FRS2: variants seen among roughly 807,000 people sequenced by gnomAD.
FRS2 encodes fibroblast growth factor receptor substrate 2.
FRS2 carries 8 observed loss-of-function variants against 43.9 expected under a neutral mutation model. The observed-to-expected ratio is 0.18, with a 90% CI of 0.11 to 0.33. The LOEUF (loss-of-function observed/expected upper bound fraction) is 0.33, where lower values mean the gene tolerates loss of function less well. FRS2 is among the 10% of genes least tolerant of loss of function. The pLI is 1.00. For missense variants in FRS2, 534 were observed against 627.6 expected, an observed-to-expected ratio of 0.85 and a Z score of 1.59; for synonymous variants, 219 against 220.3, an observed-to-expected ratio of 0.99 and a Z score of 0.05.
intron 3 of FRS2, among the ~76,000 whole-genome samples, chr12:69,556,469 A>G (rs2135755507): frequency 6.6e-6 from 1 of 151,984 alleles, no homozygotes; most frequent in South Asian, 2.1e-4. Context: ...AGTAGCTGGG[A>G]CTACAGGCAT....
chr12:69,553,126 C>T (rs1197783467), intron 3 of FRS2, among the ~76,000 whole-genome samples: 1 of 152,118 alleles, frequency 6.6e-6, no homozygotes, highest in Non-Finnish European at 1.5e-5. Context: ...GGCTGGAGTG[C>T]AGTGGCACAA....
intron 1 of FRS2, chr12:69,486,324 T>G (rs1291049180): frequency 6.6e-6 from 1 of 152,200 alleles, no homozygotes; most frequent in Non-Finnish European, 1.5e-5. Flanking sequence ...TTCAAACTTT[T>G]TATCATTATT....
chr12:69,563,298 A>C (rs1327422788), intron 4 of FRS2, among the ~76,000 whole-genome samples: 1 of 152,144 alleles, frequency 6.6e-6, no homozygotes, highest in African/African-American at 2.4e-5. Context: ...AAAACTTCAC[A>C]TTAAAGAAGT....
At chr12:69,507,916 C>G (rs557863482) in intron 1 of FRS2, among the ~76,000 whole-genome samples, 1 of 149,852 alleles carries the variant, frequency 6.7e-6, no homozygotes, top group South Asian at 2.1e-4. Context: ...CCCAGCTACT[C>G]AGGAGGCTGA....
At chr12:69,549,188 G>T (rs1029616634) in intron 3 of FRS2, among the ~76,000 whole-genome samples, 4 of 152,138 alleles carry the variant, frequency 2.6e-5, no homozygotes, top group Non-Finnish European at 5.9e-5. Context: ...AAAATTTCGT[G>T]AAGTCTTTAG....
chr12:69,506,272 T>C (rs1873919706), intron 1 of FRS2, among the ~76,000 whole-genome samples: 1 of 152,162 alleles, frequency 6.6e-6, no homozygotes, highest in Non-Finnish European at 1.5e-5. Context: ...TTTTTGTTTT[T>C]TGTTTTTTGT....
intron 3 of FRS2, among the ~76,000 whole-genome samples, chr12:69,549,076 G>T (rs888712848): frequency 3.9e-5 from 6 of 152,114 alleles, no homozygotes; most frequent in Non-Finnish European, 7.4e-5. Flanking sequence ...TAAAAATAGA[G>T]AAATGAAGAA....
intron 1 of FRS2, among the ~76,000 whole-genome samples, chr12:69,501,024 GT>G (rs1222948042): frequency 6.6e-6 from 1 of 151,982 alleles, no homozygotes; most frequent in Non-Finnish European, 1.5e-5. Flanking sequence ...GTACTTTGTT[GT>G]TTTCTACATT....
chr12:69,544,124 T>G, intron 3 of FRS2, among the ~76,000 whole-genome samples: 1 of 149,202 alleles, frequency 6.7e-6, no homozygotes, highest in African/African-American at 2.5e-5. Context: ...TTTTTAAGAG[T>G]ACTGGAACTT....
chr12:69,573,972 AAGTT>A (rs758753654), intron 8 of FRS2, 29 bp from the exon 9 acceptor site: 102 of 1,427,648 alleles, frequency 7.1e-5, no homozygotes, highest in Middle Eastern at 1.8e-4. Flanking sequence ...TTTTTTAAGT[AAGTT>A]AACTAATTCA....
chr12:69,482,940 A>G (rs930977851), intron 1 of FRS2, among the ~76,000 whole-genome samples: 2 of 152,216 alleles, frequency 1.3e-5, no homozygotes, highest in Non-Finnish European at 2.9e-5. Flanking sequence ...CTTGAAAGCT[A>G]CATGTTACAG....
intron 1 of FRS2, among the ~76,000 whole-genome samples, chr12:69,484,215 G>C (rs1364424644): frequency 1.3e-5 from 2 of 151,970 alleles, no homozygotes; most frequent in Admixed American, 1.3e-4. Context: ...CTCCTGAGTA[G>C]CTGGGACTAC....
intron 6 of FRS2, 63 bp from the exon 7 acceptor site, chr12:69,571,213 G>A (rs759773794): frequency 1.9e-4 from 200 of 1,070,400 alleles, no homozygotes; most frequent in Non-Finnish European, 2.7e-4. Flanking sequence ...TGTTTGTCAA[G>A]TGTTCCTATA....
intron 1 of FRS2, chr12:69,486,264 G>T (rs187401506): frequency 6.6e-6 from 1 of 151,586 alleles, no homozygotes; most frequent in Non-Finnish European, 1.5e-5. Flanking sequence ...TCCAGCCAGC[G>T]TGTGCTTACT....
chr12:69,557,632 G>GTT (rs200436712), intron 3 of FRS2, among the ~76,000 whole-genome samples: 5,215 of 147,592 alleles, frequency 0.035, 303 homozygotes, highest in African/African-American at 0.13. Flanking sequence ...GCGCGCGCGC[G>GTT]CGCGCAGGTG....
At chr12:69,562,627 A>G (rs762664003) in intron 4 of FRS2, among the ~76,000 whole-genome samples, 19 of 152,160 alleles carry the variant, frequency 1.2e-4, no homozygotes, top group Non-Finnish European at 1.9e-4. Flanking sequence ...TTGTTATAGC[A>G]TTGCTCTTCC....
chr12:69,516,512 C>T (rs530548532), intron 1 of FRS2, among the ~76,000 whole-genome samples: 3 of 152,274 alleles, frequency 2.0e-5, no homozygotes, highest in East Asian at 1.9e-4. Flanking sequence ...GCCACTGCGC[C>T]CGGCCAAAAG....
chr12:69,503,399 G>T (rs1162169414), intron 1 of FRS2, among the ~76,000 whole-genome samples: 2 of 152,078 alleles, frequency 1.3e-5, no homozygotes, highest in Non-Finnish European at 2.9e-5. Flanking sequence ...AAGTTAGCCT[G>T]ATCATGAAAG....
At chr12:69,531,201 G>A (rs901856353) in intron 2 of FRS2, among the ~76,000 whole-genome samples, 8 of 151,846 alleles carry the variant, frequency 5.3e-5, no homozygotes, top group African/African-American at 1.2e-4. Flanking sequence ...ATGTTGGCAC[G>A]CACCTGTAAT....
Sources: gnomAD v4.1 joint callset for allele counts (sites outside exome capture counted in the v4.1 genomes callset) on GRCh38, gnomAD v4.1.1 for gene constraint, MANE v1.5 for transcripts, NCBI Gene and HGNC (gene_info 2026-07-23, HGNC 2026-07-21) for gene names.